The following FAM81A variants were observed in gnomAD, a reference collection of about 807,000 sequenced individuals.
FAM81A encodes the protein family with sequence similarity 81 member A, also known as protein FAM81A.
FAM81A carries 19 observed loss-of-function variants against 46.7 expected under a neutral mutation model. The observed-to-expected ratio is 0.41, with a 90% CI of 0.28 to 0.60. The LOEUF (loss-of-function observed/expected upper bound fraction) is 0.60, where lower values mean the gene tolerates loss of function less well. Among genes scored for constraint, FAM81A ranks in the 20% least tolerant of loss-of-function variants. FAM81A has a pLI of 0.34. For missense variants in FAM81A, 377 were observed against 453.5 expected (o/e 0.83, Z 1.53); for synonymous variants, 183 against 152.9 (o/e 1.20, Z -1.45).
intron 2 of FAM81A, among the ~76,000 whole-genome samples, chr15:59,418,915 A>G (rs940099263): frequency 1.3e-5 from 2 of 152,208 alleles, no homozygotes; most frequent in African/African-American, 4.8e-5. Context: ...AATGATGACC[A>G]GTGTTAATAT....
intron 3 of FAM81A, among the ~76,000 whole-genome samples, chr15:59,474,654 A>T (rs1182850398): frequency 1.3e-5 from 2 of 152,202 alleles, no homozygotes; most frequent in African/African-American, 4.8e-5. Context: ...AATACTTATT[A>T]AGTGAATAAA....
chr15:59,493,408 G>C (rs993488257), intron 4 of FAM81A, among the ~76,000 whole-genome samples: 2 of 152,130 alleles, frequency 1.3e-5, no homozygotes, highest in Non-Finnish European at 2.9e-5. Flanking sequence ...ATGAACTCCA[G>C]TCTCCTTAGT....
intron 3 of FAM81A, among the ~76,000 whole-genome samples, chr15:59,471,280 C>T (rs529155956): frequency 1.3e-5 from 2 of 152,192 alleles, no homozygotes; most frequent in South Asian, 4.1e-4. Context: ...GTTTTTGCTT[C>T]CTGTATTTGG....
intron 1 of FAM81A, among the ~76,000 whole-genome samples, chr15:59,456,352 G>A (rs764009299): frequency 4.6e-5 from 7 of 152,098 alleles, no homozygotes; most frequent in Non-Finnish European, 7.4e-5. Flanking sequence ...ATATGAGGGC[G>A]GAAGAACAGG....
intron 3 of FAM81A, among the ~76,000 whole-genome samples, chr15:59,488,764 C>T (rs1439374675): frequency 6.6e-6 from 1 of 151,820 alleles, no homozygotes; most frequent in African/African-American, 2.4e-5. Context: ...ATTACTTGAG[C>T]TCAGGAATTT....
chr15:59,439,777 C>T lies in FAM81A; in HGVS notation c.-78+1495C>T, dbSNP rs568572070. ...AATACTTAGTGTCCAGGAATTCAAC[C>T]ATGAAGCCCTACCAACCATTTAATG... On this transcript the variant is annotated intron_variant, in intron 1 of 8. Transcript: ENST00000288228. Among the ~76,000 whole-genome samples, 14 of 152,216 alleles carry T rather than the reference C, an allele frequency of 9.2e-5. No homozygotes were observed. In the South Asian group the frequency reaches 2.1e-3, roughly 23 times the overall value.
intron 2 of FAM81A, among the ~76,000 whole-genome samples, chr15:59,431,184 T>A (rs1470807894): frequency 6.6e-6 from 1 of 152,110 alleles, no homozygotes; most frequent in Non-Finnish European, 1.5e-5. Flanking sequence ...ACTCTTTCAC[T>A]CTTGGGGCTT....
At chr15:59,442,084 C>T (rs2081304223) in intron 1 of FAM81A, among the ~76,000 whole-genome samples, 1 of 152,146 alleles carries the variant, frequency 6.6e-6, no homozygotes. Context: ...AAGGAGCAGA[C>T]CTGGGAAAGG....
intron 1 of FAM81A, among the ~76,000 whole-genome samples, chr15:59,447,660 T>C (rs1200931381): frequency 1.3e-5 from 2 of 152,216 alleles, no homozygotes; most frequent in African/African-American, 4.8e-5. Context: ...TTAGGCATGC[T>C]GACCTCAGTT....
At chr15:59,498,409 C>T (rs1438603401) in intron 4 of FAM81A, among the ~76,000 whole-genome samples, 1 of 152,144 alleles carries the variant, frequency 6.6e-6, no homozygotes, top group African/African-American at 2.4e-5. Context: ...TTAATTACTT[C>T]TAATAATTTC....
chr15:59,511,927 G>C (rs1406632833), intron 6 of FAM81A, among the ~76,000 whole-genome samples: 1 of 152,208 alleles, frequency 6.6e-6, no homozygotes, highest in Middle Eastern at 3.4e-3. Context: ...GGGATTACAG[G>C]CGTAAGCCAC....
chr15:59,474,684 C>G (rs1461167662), intron 3 of FAM81A, among the ~76,000 whole-genome samples: 1 of 152,080 alleles, frequency 6.6e-6, no homozygotes, highest in South Asian at 2.1e-4. Flanking sequence ...CAGAGTGAAG[C>G]CAGTTGTAGA....
chr15:59,415,354 G>C (rs4238338), intron 2 of FAM81A, among the ~76,000 whole-genome samples: 2 of 151,938 alleles, frequency 1.3e-5, no homozygotes, highest in African/African-American at 4.8e-5. Flanking sequence ...TCCTGACCTC[G>C]TGATCCTCTT....
chr15:59,518,757 AC>A (rs879332632), intron 8 of FAM81A, among the ~76,000 whole-genome samples: 18 of 151,890 alleles, frequency 1.2e-4, no homozygotes, highest in Non-Finnish European at 1.9e-4. Context: ...CTTTATAGCA[AC>A]CCTTTTCCAG....
In FAM81A at chr15:59,521,937, G is replaced by A. The variant is rs2082332531; in HGVS notation, c.*559G>A. 6.6e-6 allele frequency: 1 copy of A among 152,092 alleles called. No individual in the cohort carries two copies. The allele number at this position is 152,092 out of a possible 1,614,324, so 9.4% of individuals were successfully genotyped here. ...GTAAGGGGAAAGGATTTAACATTTA[G>A]AATAAACCCCACCATTTATGTAATG... On this transcript the variant is annotated 3_prime_UTR_variant, in exon 9 of 9. Transcript: ENST00000288228.
chr15:59,455,338 A>C (rs946607282), intron 1 of FAM81A, among the ~76,000 whole-genome samples: 6 of 151,888 alleles, frequency 4.0e-5, no homozygotes, highest in African/African-American at 1.4e-4. Context: ...ATCACTGCAC[A>C]ATCAAAACAG....
intron 4 of FAM81A, among the ~76,000 whole-genome samples, chr15:59,493,005 G>T (rs2081997359): frequency 6.6e-6 from 1 of 152,138 alleles, no homozygotes; most frequent in Non-Finnish European, 1.5e-5. Flanking sequence ...CTGTGTCTAG[G>T]GCTATTTTTA....
At chr15:59,418,403 A>G (rs2081156357) in intron 2 of FAM81A, among the ~76,000 whole-genome samples, 1 of 152,240 alleles carries the variant, frequency 6.6e-6, no homozygotes, top group African/African-American at 2.4e-5. Flanking sequence ...TTTCCTGTTT[A>G]GAAAACATTT....
At chr15:59,477,247 A>G (rs1484010602) in intron 3 of FAM81A, among the ~76,000 whole-genome samples, 1 of 152,088 alleles carries the variant, frequency 6.6e-6, no homozygotes, top group Non-Finnish European at 1.5e-5. Flanking sequence ...TAAAAGGTGT[A>G]TTTTTTATTT....
Sources: allele counts gnomAD v4.1 joint callset (sites outside exome capture counted in the v4.1 genomes callset), GRCh38; gene constraint gnomAD v4.1.1; transcripts MANE v1.5; gene names NCBI Gene and HGNC (gene_info 2026-07-23, HGNC 2026-07-21).